Variants in POLR2B observed in about 807,000 individuals in gnomAD.
POLR2B encodes the protein RNA polymerase II subunit B.
In POLR2B, 57 loss-of-function variants were observed where a neutral mutation model predicts 144.6. The ratio of observed to expected loss-of-function variants is 0.39; its 90% CI spans 0.32 to 0.49. The LOEUF (loss-of-function observed/expected upper bound fraction) is 0.49. POLR2B is among the 20% of genes least tolerant of loss of function. The pLI, the probability that POLR2B is intolerant of heterozygous loss-of-function variation, is 0.83. For synonymous variants in POLR2B, 442 were observed against 469.8 expected (o/e 0.94, Z 0.77); for missense variants, 595 against 1,467.4 (o/e 0.41, Z 9.71).
At chr4:57,021,071 A>G (rs746286753) in intron 17 of POLR2B, 76 bp downstream of exon 17, 2 of 846,738 alleles carry the variant, frequency 2.4e-6, no homozygotes, top group Non-Finnish European at 4.1e-6. Flanking sequence ...AGTTCTTAAA[A>G]TACAGTTTAA....
intron 13 of POLR2B, among the ~76,000 whole-genome samples, chr4:57,012,922 C>T (rs756892166): frequency 6.6e-6 from 1 of 152,128 alleles, no homozygotes; most frequent in Non-Finnish European, 1.5e-5. Flanking sequence ...CTCACTGCAA[C>T]GTCTGCCTCC....
At position 57,024,951 on chromosome 4, in the gene POLR2B, G is replaced by A; in HGVS notation, c.3030G>A (p.Lys1010=). ...TTAATGATGCTGTTAACGTGCAGAA[G>A]ATTTCTAATCTTTTATCTGATTATG... The part of the protein sequence containing the change: ...TPFNDAVNVQ[K]ISNLLSDYGY... Residue 1010 remains lysine (K), a synonymous_variant, in exon 22 of 25, where the codon AAG becomes AAA. Transcript: ENST00000314595. 1.9e-6 allele frequency: 3 copies of A among 1,601,110 alleles called. No individual in the cohort carries two copies. The highest frequency in any genetic ancestry group is 1.7e-6 in the Non-Finnish European group (2 of 1,170,620).
At chr4:56,987,093 G>A (rs766446551) in intron 2 of POLR2B, among the ~76,000 whole-genome samples, 1 of 151,888 alleles carries the variant, frequency 6.6e-6, no homozygotes, top group African/African-American at 2.4e-5. Context: ...ATGCCTTTCC[G>A]TTTAGGTTTG....
At chr4:57,008,206 G>GTTTT (rs59219952) in intron 10 of POLR2B, among the ~76,000 whole-genome samples, 4 of 137,150 alleles carry the variant, frequency 2.9e-5, no homozygotes, top group Non-Finnish European at 3.1e-5. Flanking sequence ...CAAGGAATTG[G>GTTTT]TTTTTTTTTT....
Position 57,030,265 on chromosome 4 carries a change from C to T in POLR2B, c.3301C>T (p.Gln1101Ter). ...TTGTCAGATTGCCCATGGAGCAGCC[C>T]AGTTTTTAAGGGAAAGATTGTTTGA... ...RDCQIAHGAA[Q>*]FLRERLFEAS... is the part of the protein sequence containing the mutation. The change falls in exon 24 of 25, where the codon CAG becomes TAG. Residue 1101 changes from glutamine (Q) to a stop codon, truncating the protein, a stop_gained. Transcript: ENST00000314595. LOFTEE classifies it high-confidence loss of function. 1.9e-6 allele frequency: 3 copies of T among 1,614,040 alleles called. No homozygotes were observed. Among genetic ancestry groups the T allele is most frequent in the Non-Finnish European group, 2.5e-6 (3 of 1,179,936 alleles).
At position 57,023,413 on chromosome 4, in the gene POLR2B, A is replaced by G; in HGVS notation, c.2599A>G (p.Ile867Val). Reference sequence around the variant, plus strand: ...TCGTGTATCAGGAGATGATGTTATTATAGGCAAAACAGTCACCTTGCCTGA... The same window carrying G: ...TCGTGTATCAGGAGATGATGTTATTGTAGGCAAAACAGTCACCTTGCCTGA... ...GVRVSGDDVI[I>V]GKTVTLPENE... Residue 867 changes from isoleucine to valine, a missense_variant, in exon 19 of 25, where the codon ATA becomes GTA. By Grantham distance (29) the Ile-to-Val change is conservative. Transcript: ENST00000314595. This position sits in a 1 kb window ranked among gnomAD's most constrained non-coding sequence, Gnocchi z 4.3. The G allele has an allele frequency of 6.2e-7, 1 of 1,614,062 alleles. No individual in the cohort carries two copies. The highest frequency in any genetic ancestry group is 1.7e-5 in the Admixed American group (1 of 60,020).
At chr4:56,991,629 G>A (rs1722509594) in intron 3 of POLR2B, among the ~76,000 whole-genome samples, 1 of 152,188 alleles carries the variant, frequency 6.6e-6, no homozygotes, top group South Asian at 2.1e-4. Context: ...CTTCTGTGTA[G>A]CTTATCTCCT....
intron 2 of POLR2B, among the ~76,000 whole-genome samples, chr4:56,987,919 A>G (rs909789963): frequency 5.9e-5 from 9 of 151,400 alleles, no homozygotes; most frequent in Non-Finnish European, 2.9e-5. Context: ...GTTGTCCAGA[A>G]TCTTACAAAA....
chr4:57,012,492 C>A (rs773565913), intron 13 of POLR2B, among the ~76,000 whole-genome samples: 1 of 151,912 alleles, frequency 6.6e-6, no homozygotes, highest in African/African-American at 2.4e-5. Flanking sequence ...ATACTGTTTG[C>A]GGAATGTAGT....
At chr4:57,027,696 A>C (rs1468364119) in intron 23 of POLR2B, among the ~76,000 whole-genome samples, 3 of 152,210 alleles carry the variant, frequency 2.0e-5, no homozygotes, top group Non-Finnish European at 4.4e-5. Flanking sequence ...AAACCATATG[A>C]ATGAACCTTC....
Position 57,017,532 on chromosome 4 carries a change from T to G in POLR2B, c.2155-28T>G, listed in dbSNP as rs771580872. The G allele has an allele frequency of 6.5e-7, 1 of 1,546,492 alleles. No homozygotes were observed. The highest frequency in any genetic ancestry group is 8.7e-7 in the Non-Finnish European group (1 of 1,146,520). ...TCCATTAGTGATAGTAACTTTTTGT[T>G]GTTTCTGCTTTTCATTTTTACGTTT... On this transcript the variant is annotated intron_variant, in intron 15 of 24. Coordinates refer to ENST00000314595, the MANE Select transcript of POLR2B (RefSeq NM_000938.3). This position sits in a 1 kb window ranked among gnomAD's most constrained non-coding sequence, Gnocchi z 4.8.
intron 1 of POLR2B, among the ~76,000 whole-genome samples, chr4:56,981,660 A>T (rs1399838100): frequency 6.6e-6 from 1 of 152,232 alleles, no homozygotes; most frequent in Non-Finnish European, 1.5e-5. Flanking sequence ...ACTATGTGAA[A>T]ATGTCAGATT....
intron 10 of POLR2B, chr4:57,010,097 C>A (rs1723142430): frequency 8.6e-6 from 3 of 350,226 alleles, no homozygotes; most frequent in South Asian, 4.5e-5. Context: ...TAAAAAATTC[C>A]CTGCCTTCAT....
intron 10 of POLR2B, among the ~76,000 whole-genome samples, chr4:57,007,384 C>T (rs1723055321): frequency 6.6e-6 from 1 of 151,550 alleles, no homozygotes; most frequent in African/African-American, 2.4e-5. Flanking sequence ...CACTGCACTC[C>T]AGCCTGGGCA....
At chr4:56,995,477 C>A in intron 6 of POLR2B, 68 bp downstream of exon 6, 1 of 1,125,364 alleles carries the variant, frequency 8.9e-7, no homozygotes, top group Non-Finnish European at 1.3e-6. Flanking sequence ...TACTAGACTG[C>A]CTTCTTTGTC....
At chr4:57,029,386 C>T (rs1723835122) in intron 23 of POLR2B, among the ~76,000 whole-genome samples, 1 of 152,118 alleles carries the variant, frequency 6.6e-6, no homozygotes, top group African/African-American at 2.4e-5. Context: ...GCTTGATTCT[C>T]TTTTTTTATT....
intron 16 of POLR2B, among the ~76,000 whole-genome samples, chr4:57,019,273 G>A (rs548117486): frequency 1.1e-4 from 16 of 152,280 alleles, no homozygotes; most frequent in African/African-American, 3.9e-4. Flanking sequence ...AGGTTTGAAA[G>A]CAAATGTTCC....
intron 13 of POLR2B, among the ~76,000 whole-genome samples, chr4:57,014,968 A>T (rs554735606): frequency 6.6e-6 from 1 of 152,212 alleles, no homozygotes; most frequent in Non-Finnish European, 1.5e-5. Flanking sequence ...TCAGTTCAGA[A>T]TCGCCACGTT....
chr4:57,006,721 C>T, intron 9 of POLR2B, 95 bp from the exon 10 acceptor site: 1 of 995,838 alleles, frequency 1.0e-6, no homozygotes, highest in African/African-American at 1.6e-5. Flanking sequence ...AATTTTTGCT[C>T]ACCTTCCCCA....
Sources: allele counts gnomAD v4.1 joint callset (sites outside exome capture counted in the v4.1 genomes callset), GRCh38; gene constraint gnomAD v4.1.1; non-coding constraint Gnocchi (gnomAD v3.1); transcripts MANE v1.5; gene names NCBI Gene and HGNC (gene_info 2026-07-23, HGNC 2026-07-21).